AFF2: variants seen among roughly 807,000 people sequenced by gnomAD.
AFF2 encodes the protein AF4/FMR2 family member 2.
AFF2 carries 14 observed loss-of-function variants against 76.9 expected under a neutral mutation model. That is an observed-to-expected ratio of 0.18 (90% CI 0.12 to 0.28). The LOEUF (loss-of-function observed/expected upper bound fraction) is 0.28. Ranked by LOEUF, AFF2 falls within the 10% of genes least tolerant of loss-of-function variation. AFF2 has a pLI of 1.00. For synonymous variants in AFF2, 398 were observed against 366.7 expected, an observed-to-expected ratio of 1.09 and a Z score of -0.98; for missense variants, 868 against 1,001.1, an observed-to-expected ratio of 0.87 and a Z score of 1.79.
chrX:148,710,708 T>A (rs1235924096), intron 3 of AFF2, among the ~76,000 whole-genome samples: 1 of 112,127 alleles, frequency 8.9e-6, no homozygotes, highest in Non-Finnish European at 1.9e-5. Flanking sequence ...TGCATTAACC[T>A]CATGTAGATA....
intron 12 of AFF2, among the ~76,000 whole-genome samples, chrX:148,961,141 G>T (rs1417159271): frequency 1.8e-5 from 2 of 112,066 alleles, no homozygotes; most frequent in Non-Finnish European, 3.8e-5. Flanking sequence ...CTGCCTCTCA[G>T]AAGCAGCTCT....
chrX:148,520,184 T>A (rs1242987491), intron 1 of AFF2, among the ~76,000 whole-genome samples: 1 of 111,882 alleles, frequency 8.9e-6, no homozygotes, highest in African/African-American at 3.3e-5. Flanking sequence ...TCAAGCCCTT[T>A]TTCCCTCTTT....
At chrX:148,741,237 G>T (rs782259144) in intron 3 of AFF2, among the ~76,000 whole-genome samples, 2 of 111,530 alleles carry the variant, frequency 1.8e-5, no homozygotes, top group African/African-American at 6.5e-5. Context: ...CACTACCAGG[G>T]TGGATAGAGA....
intron 3 of AFF2, among the ~76,000 whole-genome samples, chrX:148,761,487 A>G (rs1420203127): frequency 1.9e-5 from 2 of 107,082 alleles, no homozygotes; most frequent in Non-Finnish European, 3.8e-5. Context: ...TTTTTTCATA[A>G]AAACTTGGCC....
chrX:148,755,489 T>C (rs1276869800), intron 3 of AFF2, among the ~76,000 whole-genome samples: 2 of 111,554 alleles, frequency 1.8e-5, no homozygotes, highest in East Asian at 5.6e-4. Flanking sequence ...TCACATGCTG[T>C]TAGGTTTTTG....
chrX:148,717,206 C>T (rs1718345031), intron 3 of AFF2, among the ~76,000 whole-genome samples: 1 of 111,993 alleles, frequency 8.9e-6, no homozygotes, highest in Non-Finnish European at 1.9e-5. Flanking sequence ...ATGGTCTATC[C>T]ATACAGTGGA....
chrX:148,742,992 T>A (rs1451667807), intron 3 of AFF2, among the ~76,000 whole-genome samples: 2 of 112,224 alleles, frequency 1.8e-5, no homozygotes, highest in African/African-American at 6.5e-5. Context: ...GCTGCTATTT[T>A]GTGTTTCTTG....
chrX:148,515,193 G>A (rs2052522194), intron 1 of AFF2, among the ~76,000 whole-genome samples: 2 of 111,717 alleles, frequency 1.8e-5, no homozygotes, highest in Non-Finnish European at 1.9e-5. Flanking sequence ...TAACATATTC[G>A]GGAGGCAGAG....
chrX:148,816,822 G>A lies in AFF2; in HGVS notation c.1086+6902G>A, dbSNP rs187601324. Among the ~76,000 whole-genome samples the A allele has an allele frequency of 1.5e-4, 16 of 107,784 alleles. No homozygotes were observed. In the East Asian group the frequency reaches 2.0e-3, roughly 14 times the overall value. 93.6% of individuals were successfully genotyped at this position (107,784 alleles called of 115,157 possible). Reference sequence around the variant, plus strand: ...ATTTGGGCACACAGCCTTGTATTCCGAAGAGAATTCCTGCTAGTCTGGAAT... The same window carrying A: ...ATTTGGGCACACAGCCTTGTATTCCAAAGAGAATTCCTGCTAGTCTGGAAT... On this transcript the variant is annotated intron_variant, in intron 4 of 20. Coordinates refer to ENST00000370460, the MANE Select transcript of AFF2 (RefSeq NM_002025.4).
chrX:148,910,443 C>T (rs1257403536), intron 9 of AFF2, among the ~76,000 whole-genome samples: 8 of 112,088 alleles, frequency 7.1e-5, no homozygotes, highest in South Asian at 3.7e-4. Flanking sequence ...AAGATAAAAT[C>T]GGTTTGTAAA....
At chrX:148,949,361 C>T (rs781896045) in intron 9 of AFF2, among the ~76,000 whole-genome samples, 6 of 110,918 alleles carry the variant, frequency 5.4e-5, no homozygotes, top group East Asian at 5.7e-4. Flanking sequence ...CAGGGTCAAC[C>T]GTGTCTGGAG....
intron 1 of AFF2, among the ~76,000 whole-genome samples, chrX:148,541,823 A>G (rs1443257866): frequency 6.4e-5 from 7 of 109,426 alleles, no homozygotes; most frequent in South Asian, 4.0e-4. Flanking sequence ...AGATTTCACC[A>G]TGCTCTTTTA....
At chrX:148,682,449 A>C (rs2054560216) in intron 3 of AFF2, among the ~76,000 whole-genome samples, 2 of 111,985 alleles carry the variant, frequency 1.8e-5, no homozygotes, top group Non-Finnish European at 3.8e-5. Flanking sequence ...TACATGGGAA[A>C]TAAAGGACAG....
chrX:148,509,280 T>C (rs990467886), intron 1 of AFF2, among the ~76,000 whole-genome samples: 1 of 112,274 alleles, frequency 8.9e-6, no homozygotes. Flanking sequence ...CTTTTATTAC[T>C]ATTAGTGCAC....
Position 148,567,670 on chromosome X carries a change from T to G in AFF2, c.47+66526T>G, listed in dbSNP as rs1557241860. On this transcript the variant is annotated intron_variant, in intron 1 of 20. Coordinates refer to ENST00000370460, the MANE Select transcript of AFF2 (RefSeq NM_002025.4). Reference sequence around the variant, plus strand: ...GAGTCCTAAAATGACCCAAGAGAGATAAACTGACCATGGCTGCCTCCTGTA... The same window carrying G: ...GAGTCCTAAAATGACCCAAGAGAGAGAAACTGACCATGGCTGCCTCCTGTA... Among the ~76,000 whole-genome samples the G allele has an allele frequency of 4.5e-5, 5 of 111,566 alleles. No individual in the cohort carries two copies. The South Asian group carries it at 1.9e-3, about 42-fold the overall frequency.
chrX:148,872,580 T>C (rs2070990874), intron 7 of AFF2, among the ~76,000 whole-genome samples: 1 of 112,250 alleles, frequency 8.9e-6, no homozygotes, highest in Admixed American at 9.5e-5. Flanking sequence ...TGGTTAATGA[T>C]GTTGAGCATC....
Position 148,992,600 on chromosome X carries a change from T to G in AFF2, c.*1268T>G, listed in dbSNP as rs782211959. ...CTAAGAAAACTCCAAACTCTCTAAA[T>G]AGTAGCTAACTTTTATTTTTTTAAA... On this transcript the variant is annotated 3_prime_UTR_variant, in exon 21 of 21. Coordinates refer to ENST00000370460, the MANE Select transcript of AFF2 (RefSeq NM_002025.4). 8.9e-6 allele frequency: 1 copy of G among 112,312 alleles called. No homozygotes were observed. Among genetic ancestry groups the G allele is most frequent in the Non-Finnish European group, 1.9e-5 (1 of 53,232 alleles). 9.3% of individuals were successfully genotyped at this position (112,312 alleles called of 1,213,427 possible). A position where few individuals can be genotyped will look rare whatever the true frequency, so the allele number is the denominator to read the frequency against.
At chrX:148,812,282 G>A (rs1485882734) in intron 4 of AFF2, among the ~76,000 whole-genome samples, 1 of 111,033 alleles carries the variant, frequency 9.0e-6, no homozygotes, top group East Asian at 2.8e-4. Flanking sequence ...TTAGGGAAAA[G>A]TACATTTTAT....
chrX:148,739,998 G>T (rs192009706), intron 3 of AFF2, among the ~76,000 whole-genome samples: 3 of 111,815 alleles, frequency 2.7e-5, no homozygotes, highest in Admixed American at 9.5e-5. Flanking sequence ...TAGCTTGTAG[G>T]GTTTCTGCTG....
Sources: gnomAD v4.1 joint callset for allele counts (sites outside exome capture counted in the v4.1 genomes callset) on GRCh38, gnomAD v4.1.1 for gene constraint, MANE v1.5 for transcripts, NCBI Gene and HGNC (gene_info 2026-07-23, HGNC 2026-07-21) for gene names.